PHF24: variants seen among roughly 807,000 people sequenced by gnomAD.
PHF24 encodes PHD finger protein 24.
In PHF24, 25 loss-of-function variants were observed where a neutral mutation model predicts 42.6. The ratio of observed to expected loss-of-function variants is 0.59; its 90% CI spans 0.43 to 0.82. PHF24 has a LOEUF of 0.82. PHF24 is among the 40% of genes least tolerant of loss of function. PHF24 has a pLI of 0.00. For missense variants in PHF24, 470 were observed against 538.1 expected (o/e 0.87, Z 1.25); for synonymous variants, 185 against 204.8 (o/e 0.90, Z 0.83).
At chr9:34,784,737 T>C in the PHF24 span, among the ~76,000 whole-genome samples, 1 of 152,202 alleles carries the variant, frequency 6.6e-6, no homozygotes, top group East Asian at 1.9e-4. Flanking sequence ...TCAGTGATTA[T>C]TAAGTGCAAA....
intron 1 of PHF24, among the ~76,000 whole-genome samples, chr9:34,966,885 C>T (rs1826790518): frequency 6.6e-6 from 1 of 151,938 alleles, no homozygotes; most frequent in South Asian, 2.1e-4. Context: ...TCTTTTTAAT[C>T]ACTGTAAAAA....
chr9:34,686,052 C>A, the PHF24 span, among the ~76,000 whole-genome samples: 1 of 152,198 alleles, frequency 6.6e-6, no homozygotes, highest in East Asian at 1.9e-4. Context: ...TAAAGCAGTG[C>A]CCAGTACCTG....
chr9:34,918,244 G>T, the PHF24 span: 2 of 1,487,102 alleles, frequency 1.3e-6, no homozygotes. Flanking sequence ...GCCCTCATCC[G>T]CACGTGTCTT....
the PHF24 span, among the ~76,000 whole-genome samples, chr9:34,668,007 A>T: frequency 1.3e-5 from 2 of 152,196 alleles, no homozygotes; most frequent in East Asian, 3.9e-4. Context: ...CCCGACTCAT[A>T]GGACAAAGTG....
the PHF24 span, among the ~76,000 whole-genome samples, chr9:34,906,643 CAAAAAAAAA>C: frequency 1.5e-5 from 1 of 66,142 alleles, no homozygotes. Flanking sequence ...GACTCCATCT[CAAAAAAAAA>C]AAAAAAAAAA....
chr9:34,666,944 C>CAAACAAAACA, the PHF24 span, among the ~76,000 whole-genome samples: 1 of 152,068 alleles, frequency 6.6e-6, no homozygotes, highest in African/African-American at 2.4e-5. Flanking sequence ...GACTCCGTCT[C>CAAACAAAACA]AAACAAAACA....
the PHF24 span, chr9:34,889,122 T>C: frequency 2.5e-6 from 1 of 398,636 alleles, no homozygotes; most frequent in East Asian, 3.6e-5. Flanking sequence ...TGCATGTTAA[T>C]GGAAATGGCA....
chr9:34,917,492 C>A, the PHF24 span: 1 of 771,490 alleles, frequency 1.3e-6, no homozygotes, highest in Non-Finnish European at 2.4e-6. Flanking sequence ...CAAGTACAAT[C>A]GAAAGCCTGC....
At chr9:34,937,767 C>T in the PHF24 span, among the ~76,000 whole-genome samples, 1 of 152,230 alleles carries the variant, frequency 6.6e-6, no homozygotes, top group African/African-American at 2.4e-5. Flanking sequence ...AAGAACCTGG[C>T]TAGCCCTGCG....
At chr9:34,690,846 A>T in the PHF24 span, among the ~76,000 whole-genome samples, 2 of 152,206 alleles carry the variant, frequency 1.3e-5, no homozygotes. Flanking sequence ...TTGCAGAGAC[A>T]GTCACAGCCA....
the PHF24 span, among the ~76,000 whole-genome samples, chr9:34,670,969 T>C: frequency 6.6e-6 from 1 of 152,152 alleles, no homozygotes; most frequent in Non-Finnish European, 1.5e-5. Context: ...GATCCATTCC[T>C]CCCTTGGAAA....
the PHF24 span, among the ~76,000 whole-genome samples, chr9:34,843,556 T>C: frequency 6.6e-6 from 1 of 152,230 alleles, no homozygotes; most frequent in Non-Finnish European, 1.5e-5. Context: ...ATTTTGGCTA[T>C]TATAGGTCAT....
chr9:34,923,687 G>A, the PHF24 span, among the ~76,000 whole-genome samples: 1 of 152,060 alleles, frequency 6.6e-6, no homozygotes, highest in East Asian at 1.9e-4. Flanking sequence ...TTCCATCTCT[G>A]ATTTTGTTTA....
At chr9:34,814,895 C>G in the PHF24 span, among the ~76,000 whole-genome samples, 16 of 152,298 alleles carry the variant, frequency 1.1e-4, no homozygotes, top group African/African-American at 3.6e-4. Flanking sequence ...CGCCCGCCAC[C>G]ATGGCCAGCT....
the PHF24 span, among the ~76,000 whole-genome samples, chr9:34,778,439 T>C: frequency 2.0e-5 from 3 of 152,212 alleles, no homozygotes; most frequent in Non-Finnish European, 4.4e-5. Flanking sequence ...AGGTGTACCA[T>C]GCAACTAGCA....
At chr9:34,876,105 C>T in the PHF24 span, among the ~76,000 whole-genome samples, 17 of 152,046 alleles carry the variant, frequency 1.1e-4, no homozygotes, top group East Asian at 3.1e-3. Context: ...CTGTGACTCT[C>T]GGATCCAATA....
the PHF24 span, among the ~76,000 whole-genome samples, chr9:34,828,991 C>G: frequency 7.1e-6 from 1 of 140,542 alleles, no homozygotes; most frequent in Non-Finnish European, 1.6e-5. Flanking sequence ...TGAGGACTAT[C>G]AGGCTTCTGT....
the PHF24 span, among the ~76,000 whole-genome samples, chr9:34,816,269 T>A: frequency 6.6e-6 from 1 of 152,292 alleles, no homozygotes; most frequent in South Asian, 2.1e-4. Context: ...ATTAAAGCAG[T>A]GTTGTTTTCT....
chr9:34,792,272 G>A, the PHF24 span, among the ~76,000 whole-genome samples: 1 of 152,170 alleles, frequency 6.6e-6, no homozygotes, highest in Non-Finnish European at 1.5e-5. Flanking sequence ...ATTGATGAAA[G>A]TGTGGTTATG....
Sources: allele counts gnomAD v4.1 joint callset (sites outside exome capture counted in the v4.1 genomes callset), GRCh38; gene constraint gnomAD v4.1.1; transcripts MANE v1.5; gene names NCBI Gene and HGNC (gene_info 2026-07-23, HGNC 2026-07-21).